Variants in STARD8 observed in about 807,000 individuals in gnomAD.
STARD8 encodes StAR related lipid transfer domain containing 8, also known as stAR-related lipid transfer protein 8.
In STARD8, 25 loss-of-function variants were observed where a neutral mutation model predicts 69.4. The ratio of observed to expected loss-of-function variants is 0.36; its 90% CI spans 0.26 to 0.50. STARD8 has a LOEUF of 0.50. STARD8 is among the 20% of genes least tolerant of loss of function. STARD8 has a pLI of 0.96. For missense variants in STARD8, 921 were observed against 932.5 expected (o/e 0.99, Z 0.16); for synonymous variants, 389 against 374.6 (o/e 1.04, Z -0.45).
At chrX:68,680,824 G>A (rs749819894) in intron 2 of STARD8, among the ~76,000 whole-genome samples, 1 of 110,985 alleles carries the variant, frequency 9.0e-6, no homozygotes, top group Non-Finnish European at 1.9e-5. Flanking sequence ...AGTGGCCTAC[G>A]TGATACAAGG....
intron 2 of STARD8, among the ~76,000 whole-genome samples, chrX:68,671,584 A>G (rs772508154): frequency 1.8e-5 from 2 of 112,549 alleles, no homozygotes; most frequent in South Asian, 7.4e-4. Flanking sequence ...TCTTCCTTTC[A>G]GCAGACTTTC....
chrX:68,679,816 C>A (rs1008558396), intron 2 of STARD8, among the ~76,000 whole-genome samples: 2 of 111,988 alleles, frequency 1.8e-5, no homozygotes, highest in Non-Finnish European at 3.8e-5. Flanking sequence ...ACCATCTAGG[C>A]CTTCCGATTG....
intron 2 of STARD8, among the ~76,000 whole-genome samples, chrX:68,678,444 C>A (rs1314792496): frequency 8.9e-6 from 1 of 111,844 alleles, no homozygotes; most frequent in Non-Finnish European, 1.9e-5. Flanking sequence ...TTAAACACAG[C>A]AAATCAGTAG....
chrX:68,677,868 T>G (rs67534845), intron 2 of STARD8, among the ~76,000 whole-genome samples: 1,846 of 81,494 alleles, frequency 0.023, 73 homozygotes, highest in African/African-American at 0.085. Context: ...TACATATATA[T>G]AGAGAGAGAG....
At chrX:68,653,283 ACACAC>A (rs2079580293) in intron 1 of STARD8, among the ~76,000 whole-genome samples, 1 of 48,056 alleles carries the variant, frequency 2.1e-5, no homozygotes, top group Non-Finnish European at 3.7e-5. Flanking sequence ...CACACCACAC[ACACAC>A]CACACACCAC....
At chrX:68,652,881 CA>C (rs2079561654) in intron 1 of STARD8, among the ~76,000 whole-genome samples, 4 of 831 alleles carry the variant, frequency 4.8e-3, no homozygotes, top group Admixed American at 0.029. Flanking sequence ...ACCCACACCC[CA>C]CACACACACA....
chrX:68,661,993 T>C (rs943359069), intron 1 of STARD8, among the ~76,000 whole-genome samples: 5 of 91,245 alleles, frequency 5.5e-5, no homozygotes, highest in Admixed American at 3.7e-4. Context: ...TCTTTCTTTC[T>C]TTCTTTCTTT....
intron 1 of STARD8, among the ~76,000 whole-genome samples, chrX:68,661,633 C>A (rs2079644888): frequency 9.0e-6 from 1 of 111,543 alleles, no homozygotes; most frequent in African/African-American, 3.3e-5. Flanking sequence ...CGTATACCCC[C>A]AAATAACTTT....
intron 2 of STARD8, among the ~76,000 whole-genome samples, chrX:68,695,753 C>T (rs1362068559): frequency 2.7e-5 from 3 of 111,771 alleles, no homozygotes; most frequent in Non-Finnish European, 5.6e-5. Context: ...CAAGAAGACT[C>T]GAATGTTGTC....
At chrX:68,709,330 C>A (rs2080032100) in intron 2 of STARD8, among the ~76,000 whole-genome samples, 1 of 112,478 alleles carries the variant, frequency 8.9e-6, no homozygotes, top group Non-Finnish European at 1.9e-5. Context: ...GTGGTCTGGG[C>A]AAAGCCATTG....
chrX:68,700,445 C>T (rs184701770), intron 2 of STARD8, among the ~76,000 whole-genome samples: 1,238 of 112,426 alleles, frequency 0.011, 15 homozygotes, highest in African/African-American at 0.037. Context: ...CCATGGCAGC[C>T]GGGGCTGACT....
chrX:68,695,936 C>T (rs2079916542), intron 2 of STARD8, among the ~76,000 whole-genome samples: 2 of 112,141 alleles, frequency 1.8e-5, no homozygotes, highest in South Asian at 7.4e-4. Context: ...ACAGCTGCAG[C>T]TGCTTTGCTG....
chrX:68,684,703 G>T (rs887571605), intron 2 of STARD8, among the ~76,000 whole-genome samples: 5 of 112,928 alleles, frequency 4.4e-5, no homozygotes, highest in African/African-American at 1.6e-4. Flanking sequence ...CCAGAATGGG[G>T]ACTGCTGATA....
At chrX:68,653,450 AC>A (rs2079587346) in intron 1 of STARD8, among the ~76,000 whole-genome samples, 1 of 35,671 alleles carries the variant, frequency 2.8e-5, no homozygotes, top group African/African-American at 1.0e-4. Flanking sequence ...TACACCTCAC[AC>A]CACACACACA....
At chrX:68,660,196 T>G (rs978638276) in intron 1 of STARD8, among the ~76,000 whole-genome samples, 2 of 111,324 alleles carry the variant, frequency 1.8e-5, no homozygotes, top group Non-Finnish European at 3.8e-5. Flanking sequence ...ATAAAAGCCT[T>G]CTAGAATTTA....
At position 68,719,275 on chromosome X, in the gene STARD8, C is replaced by T. The variant is rs1198667524; in HGVS notation, c.1766C>T (p.Ser589Leu). The change falls in exon 7 of 15, where the codon TCA becomes TTA. Residue 589 changes from serine (S) to leucine (L), a missense_variant. By Grantham distance (145) the Ser-to-Leu change is moderately radical. Transcript: ENST00000374599. ...AACTCCCATCGTCCCAGCCTCAACTCAGAGTCGCTGGAGATCAACCGGCAG... is the reference window on the plus strand; with the variant it reads ...AACTCCCATCGTCCCAGCCTCAACTTAGAGTCGCTGGAGATCAACCGGCAG... Reference protein sequence around the residue: ...FQNSHRPSLNSESLEINRQFA... With the variant: ...FQNSHRPSLNLESLEINRQFA... The T allele has an allele frequency of 1.7e-6, 2 of 1,206,440 alleles. No individual in the cohort carries two copies. The highest frequency in any genetic ancestry group is 2.2e-6 in the Non-Finnish European group (2 of 893,239).
At chrX:68,709,805 A>G (rs1470492800) in intron 2 of STARD8, among the ~76,000 whole-genome samples, 2 of 110,172 alleles carry the variant, frequency 1.8e-5, no homozygotes, top group Non-Finnish European at 3.8e-5. Context: ...CTTGGTTGAC[A>G]GAGTGAAACC....
In STARD8 at chrX:68,715,319, C is replaced by T; in HGVS notation, c.177C>T (p.Gly59=). The T allele has an allele frequency of 8.3e-7, 1 of 1,208,634 alleles. No individual in the cohort carries two copies. Among genetic ancestry groups the T allele is most frequent in the Non-Finnish European group, 1.1e-6 (1 of 893,992 alleles). Residue 59 remains glycine, a synonymous_variant, in exon 4 of 15, where the codon GGC becomes GGT. Transcript: ENST00000374599. ...AAGGTTCGTTTCCCCTGGATATTGG[C>T]TCTGTGAAGAAAAACCACGGTTTTC... ...FEEGSFPLDI[G]SVKKNHGFLD... is the part of the protein sequence containing the mutation.
At chrX:68,652,687 A>G (rs2079555553) in intron 1 of STARD8, among the ~76,000 whole-genome samples, 1 of 100,839 alleles carries the variant, frequency 9.9e-6, no homozygotes, top group South Asian at 4.6e-4. Context: ...CACACATGAA[A>G]CACACACCAC....
Sources: allele counts gnomAD v4.1 joint callset (sites outside exome capture counted in the v4.1 genomes callset), GRCh38; gene constraint gnomAD v4.1.1; transcripts MANE v1.5; gene names NCBI Gene and HGNC (gene_info 2026-07-23, HGNC 2026-07-21).